Variants in C19orf18 observed in about 807,000 individuals in gnomAD.
C19orf18 encodes chromosome 19 open reading frame 18.
In C19orf18, 21 loss-of-function variants were observed where a neutral mutation model predicts 23.3. The observed-to-expected ratio is 0.90, with a 90% CI of 0.64 to 1.30. C19orf18 has a LOEUF of 1.30. Among genes scored for constraint, C19orf18 ranks in the 50% most tolerant of loss-of-function variants. C19orf18 has a pLI of 0.00. For missense variants in C19orf18, 249 were observed against 259.6 expected, an observed-to-expected ratio of 0.96 and a Z score of 0.28; for synonymous variants, 96 against 95.2, an observed-to-expected ratio of 1.01 and a Z score of -0.05.
intron 3 of C19orf18, among the ~76,000 whole-genome samples, chr19:57,971,862 C>T (rs1318792849): frequency 6.6e-6 from 1 of 152,138 alleles, no homozygotes; most frequent in East Asian, 1.9e-4. Context: ...CTTCTAGGGA[C>T]CCGTGAGTAT....
At chr19:57,973,622 G>T (rs1163196763) in intron 2 of C19orf18, among the ~76,000 whole-genome samples, 4 of 151,896 alleles carry the variant, frequency 2.6e-5, no homozygotes, top group Non-Finnish European at 5.9e-5. Context: ...CTACTTGGGA[G>T]GCTGAGGCAG....
chr19:57,958,581 C>G lies in C19orf18; in HGVS notation c.*21G>C. On this transcript the variant is annotated 3_prime_UTR_variant, in exon 6 of 6. Coordinates refer to ENST00000314391, the MANE Select transcript of C19orf18 (RefSeq NM_152474.5). Reference sequence around the variant, plus strand: ...CCCATAGTTTCTCCTCTGCCTCAGCCGGCACCTCTGTCGTCTGCGTTCACA... The same window carrying G: ...CCCATAGTTTCTCCTCTGCCTCAGCGGGCACCTCTGTCGTCTGCGTTCACA... 1 of 1,511,582 alleles carries G rather than the reference C, an allele frequency of 6.6e-7. No individual in the cohort carries two copies. The allele number at this position is 1,511,582 out of a possible 1,614,324, so 93.6% of individuals were successfully genotyped here.
intron 3 of C19orf18, among the ~76,000 whole-genome samples, chr19:57,970,818 C>G (rs773350429): frequency 5.3e-5 from 8 of 152,304 alleles, no homozygotes; most frequent in East Asian, 3.9e-4. Flanking sequence ...CCTCAGCCCC[C>G]CAAAGTGTTG....
chr19:57,971,905 G>A (rs1210330320), intron 3 of C19orf18, among the ~76,000 whole-genome samples: 1 of 152,132 alleles, frequency 6.6e-6, no homozygotes, highest in East Asian at 1.9e-4. Flanking sequence ...TCATTTCTGT[G>A]TCTGCATGTC....
At chr19:57,959,794 CAAAAAAAA>C (rs35485603) in intron 5 of C19orf18, among the ~76,000 whole-genome samples, 2 of 99,304 alleles carry the variant, frequency 2.0e-5, no homozygotes, top group Non-Finnish European at 4.0e-5. Context: ...AACTCTGCCT[CAAAAAAAA>C]AAAAAAAAAG....
chr19:57,963,555 T>G (rs2072887528), intron 4 of C19orf18, among the ~76,000 whole-genome samples: 1 of 152,114 alleles, frequency 6.6e-6, no homozygotes, highest in African/African-American at 2.4e-5. Flanking sequence ...ATTTAATAAT[T>G]GAAAACTGGT....
At chr19:57,970,796 G>C (rs1568568624) in intron 3 of C19orf18, among the ~76,000 whole-genome samples, 1 of 152,086 alleles carries the variant, frequency 6.6e-6, no homozygotes, top group Non-Finnish European at 1.5e-5. Flanking sequence ...CTGACCTCAG[G>C]TGATCTACCC....
In C19orf18 at chr19:57,958,680, TTTC is replaced by T. The variant is rs747767566; in HGVS notation, c.567_569del (p.Lys190del). 2.1e-5 allele frequency: 33 copies of T among 1,601,516 alleles called. No homozygotes were observed. Among genetic ancestry groups the T allele is most frequent in the African/African-American group, 1.1e-4 (8 of 74,380 alleles). ...TTACTGAGTTTTGCTCTTCCTTCAG[TTTC>T]TTCTTAATATTTTTGCTTCTTTTTG... is the stretch of plus-strand genomic sequence containing the variant. On this transcript the variant is annotated inframe_deletion, in exon 6 of 6. Transcript: ENST00000314391.
chr19:57,974,121 T>C lies in C19orf18; in HGVS notation c.204A>G (p.Gln68=), dbSNP rs142722666. ...FFHKTQLPGI[Q]GAASRSTAAS... Reference sequence around the variant, plus strand: ...CACCCGTGGATCTCGAGGCAGCCCCTTGAATCCCAGGCAACTGGGTTTTAT... The same window carrying C: ...CACCCGTGGATCTCGAGGCAGCCCCCTGAATCCCAGGCAACTGGGTTTTAT... The change falls in exon 2 of 6, where the codon CAA becomes CAG. Residue 68 remains glutamine (Q), a synonymous_variant. Transcript: ENST00000314391. 5.1e-5 allele frequency: 82 copies of C among 1,614,182 alleles called. No homozygotes were observed. The highest frequency in any genetic ancestry group is 6.7e-5 in the African/African-American group (5 of 75,044).
At chr19:57,959,345 C>T (rs960054778) in intron 5 of C19orf18, among the ~76,000 whole-genome samples, 10 of 152,016 alleles carry the variant, frequency 6.6e-5, no homozygotes, top group Admixed American at 1.3e-4. Flanking sequence ...AAAACTAGCC[C>T]GGCGCAGTGG....
intron 3 of C19orf18, among the ~76,000 whole-genome samples, chr19:57,967,679 G>A (rs2072917847): frequency 6.6e-6 from 1 of 151,876 alleles, no homozygotes; most frequent in African/African-American, 2.4e-5. Context: ...TTGAGCCAGG[G>A]AGTGGGAGGT....
chr19:57,972,842 G>A (rs1012553625), intron 2 of C19orf18, among the ~76,000 whole-genome samples: 4 of 152,090 alleles, frequency 2.6e-5, no homozygotes, highest in African/African-American at 9.7e-5. Flanking sequence ...GAGAGACTTA[G>A]AGTTGAAGGG....
rs1012217512 is a variant in C19orf18, at chr19:57,962,145, C to G, written c.372-594G>C. 1.3e-3 allele frequency among the ~76,000 whole-genome samples: 199 copies of G among 152,132 alleles called. 1 individual carries two copies. The highest frequency in any genetic ancestry group is 3.2e-4 in the Non-Finnish European group (22 of 68,010). On this transcript the variant is annotated intron_variant, in intron 4 of 5. Transcript: ENST00000314391. ...TCCTGGGTTCAAACAGTCTTACCTG[C>G]TCAGCCTCCTAAGTAGCTGGGACCA...
intron 3 of C19orf18, among the ~76,000 whole-genome samples, chr19:57,967,572 G>A (rs576730166): frequency 2.6e-5 from 4 of 152,224 alleles, no homozygotes; most frequent in African/African-American, 9.6e-5. Flanking sequence ...GGGCAACATT[G>A]TGAAACCCCA....
chr19:57,959,827 A>AC (rs2072853157), intron 5 of C19orf18, among the ~76,000 whole-genome samples: 1 of 148,306 alleles, frequency 6.7e-6, no homozygotes, highest in African/African-American at 2.5e-5. Flanking sequence ...AAGAAAAAAA[A>AC]GGCCAGGAGC....
chr19:57,974,022 G>A, intron 2 of C19orf18, 77 bp downstream of exon 2: 1 of 1,393,716 alleles, frequency 7.2e-7, no homozygotes, highest in South Asian at 1.2e-5. Flanking sequence ...CAAGCACACA[G>A]TACACATTCA....
Position 57,966,623 on chromosome 19 carries a change from C to T in C19orf18, c.278G>A (p.Arg93Gln), listed in dbSNP as rs189213099. Residue 93 changes from arginine (R) to glutamine (Q), a missense_variant, in exon 4 of 6, where the codon CGG becomes CAG. Physicochemically the swap from Arg to Gln is conservative, Grantham distance 43. Transcript: ENST00000314391. Reference protein sequence around the residue: ...MKFLRNKAIIRHRPALVKVIL... With the variant: ...MKFLRNKAIIQHRPALVKVIL... The stretch of plus-strand genomic sequence containing the variant: ...TACTTTAACAAGAGCAGGTCTATGC[C>T]GAATTATTGCTAAAAAGAAAGAAAA... The T allele has an allele frequency of 1.6e-4, 257 of 1,606,522 alleles. 2 individuals carry two copies. In the East Asian group the frequency reaches 4.6e-3, roughly 29 times the overall value.
intron 5 of C19orf18, among the ~76,000 whole-genome samples, chr19:57,960,756 T>A (rs1198269815): frequency 2.0e-5 from 3 of 152,232 alleles, no homozygotes; most frequent in Non-Finnish European, 4.4e-5. Context: ...CAAAAGGAAC[T>A]GAGCAACCCC....
At chr19:57,963,847 G>A (rs1401812687) in intron 4 of C19orf18, among the ~76,000 whole-genome samples, 1 of 152,034 alleles carries the variant, frequency 6.6e-6, no homozygotes, top group South Asian at 2.1e-4. Context: ...CTGAGATGAC[G>A]CCACTGCACT....
Sources: gnomAD v4.1 joint callset for allele counts (sites outside exome capture counted in the v4.1 genomes callset) on GRCh38, gnomAD v4.1.1 for gene constraint, MANE v1.5 for transcripts, NCBI Gene and HGNC (gene_info 2026-07-23, HGNC 2026-07-21) for gene names.